The following LIX1L variants were observed in gnomAD, a reference collection of about 807,000 sequenced individuals.
LIX1L encodes the protein limb and CNS expressed 1 like, also known as LIX1-like protein.
A neutral mutation model predicts 34.0 loss-of-function variants in LIX1L; 20 were observed. That is an observed-to-expected ratio of 0.59 (90% CI 0.41 to 0.85). LIX1L has a LOEUF of 0.85. Among genes scored for constraint, LIX1L ranks in the 40% least tolerant of loss-of-function variants. The pLI is 0.00. For missense variants in LIX1L, 397 were observed against 447.0 expected (o/e 0.89, Z 1.01); for synonymous variants, 170 against 187.4 (o/e 0.91, Z 0.76).
At chr1:145,947,265 C>T (rs1649143455) in intron 2 of LIX1L, 1 of 207,136 alleles carries the variant, frequency 4.8e-6, no homozygotes, top group South Asian at 1.1e-4. Flanking sequence ...CGAAAAAGTA[C>T]TGGAGGCAAG....
At position 145,950,662 on chromosome 1, in the gene LIX1L, G is replaced by A. The variant is rs587732658; in HGVS notation, c.293-2880C>T. Among the ~76,000 whole-genome samples the A allele has an allele frequency of 2.3e-4, 35 of 152,276 alleles. No individual in the cohort carries two copies. The South Asian group carries it at 6.0e-3, about 26-fold the overall frequency. ...ATTACAGGCGCAAGCCACCACGCCC[G>A]GCTGTAGTACAGTTTTAAGAAAGAT... On this transcript the variant is annotated intron_variant, in intron 1 of 5. Transcript: ENST00000604000.
At chr1:145,937,810 C>A in intron 3 of LIX1L, 111 bp from the exon 4 acceptor site, 1 of 701,596 alleles carries the variant, frequency 1.4e-6, no homozygotes, top group South Asian at 1.7e-5. Flanking sequence ...TTCAAAATTT[C>A]CTCTCTGCCA....
At chr1:145,952,941 T>C (rs1257376412) in intron 1 of LIX1L, among the ~76,000 whole-genome samples, 4 of 152,020 alleles carry the variant, frequency 2.6e-5, no homozygotes, top group African/African-American at 9.7e-5. Flanking sequence ...AGGCAAGGTC[T>C]CGCTCTATCG....
Position 145,936,324 on chromosome 1 carries a change from A to G in LIX1L, c.1000T>C (p.Ser334Pro), listed in dbSNP as rs1553757791. 6.2e-7 allele frequency: 1 copy of G among 1,614,022 alleles called. No homozygotes were observed. The highest frequency in any genetic ancestry group is 1.3e-5 in the African/African-American group (1 of 74,914). ...TGGGTGGATGCCTAGCAGTTGGAAGAATGCATATTGCCCAACTGCCCAGCA... is the reference window on the plus strand; with the variant it reads ...TGGGTGGATGCCTAGCAGTTGGAAGGATGCATATTGCCCAACTGCCCAGCA... ...LAAGQLGNMH[S>P]SNC Residue 334 changes from serine to proline, a missense_variant, in exon 6 of 6, where the codon TCT becomes CCT. Physicochemically the swap from Ser to Pro is moderately conservative, Grantham distance 74 (BLOSUM62 -1). Coordinates refer to ENST00000604000, the MANE Select transcript of LIX1L (RefSeq NM_153713.3).
In LIX1L at chr1:145,948,966, A is replaced by C. The variant is rs1280942929; in HGVS notation, c.293-1184T>G. The stretch of plus-strand genomic sequence containing the variant: ...TATCCACCTGAGTCCTCTGCATTGG[A>C]CTTGGGAGGAGGCAAGGAGAACTAA... On this transcript the variant is annotated intron_variant, in intron 1 of 5. Coordinates refer to ENST00000604000, the MANE Select transcript of LIX1L (RefSeq NM_153713.3). The surrounding 1 kb of genome is among the most constrained non-coding windows in gnomAD (Gnocchi z 4.0). 1.3e-5 allele frequency: 2 copies of C among 152,186 alleles called. No homozygotes were observed. Among genetic ancestry groups the C allele is most frequent in the Non-Finnish European group, 2.9e-5 (2 of 68,040 alleles). The allele number at this position is 152,186 out of a possible 1,614,324, so 9.4% of individuals were successfully genotyped here.
intron 2 of LIX1L, among the ~76,000 whole-genome samples, chr1:145,944,798 TGAAA>T: frequency 1.3e-5 from 2 of 149,102 alleles, no homozygotes; most frequent in South Asian, 4.3e-4. Context: ...AAGGCTGAGG[TGAAA>T]GGATTGCTTG....
intron 1 of LIX1L, among the ~76,000 whole-genome samples, chr1:145,952,859 C>T (rs1208064363): frequency 6.6e-6 from 1 of 152,166 alleles, no homozygotes; most frequent in Non-Finnish European, 1.5e-5. Flanking sequence ...GATCCTCCCA[C>T]CTCAGCCTCC....
In LIX1L at chr1:145,936,732, A is replaced by C. The variant is rs1553757869; in HGVS notation, c.771+176T>G. On this transcript the variant is annotated intron_variant, in intron 5 of 5. Coordinates refer to ENST00000604000, the MANE Select transcript of LIX1L (RefSeq NM_153713.3). Reference sequence around the variant, plus strand: ...GGGAAGCAAGATAGACAAAAGAATCACAGCTAATATTTACACAGGAAAGAT... The same window carrying C: ...GGGAAGCAAGATAGACAAAAGAATCCCAGCTAATATTTACACAGGAAAGAT... The C allele has an allele frequency of 4.9e-6, 4 of 823,616 alleles. No homozygotes were observed. The African/African-American group carries it at 6.8e-5, about 14-fold the overall frequency. 51.0% of individuals were successfully genotyped at this position (823,616 alleles called of 1,614,324 possible).
At position 145,957,677 on chromosome 1, in the gene LIX1L, A is replaced by G. The variant is rs1649528477; in HGVS notation, c.251T>C (p.Val84Ala). The change falls in exon 1 of 6, where the codon GTG (valine) becomes GCG (alanine). Residue 84 changes from valine to alanine, a missense_variant. Around this residue, in one of 3 missense-constraint regions of LIX1L, gnomAD observed 207 missense variants for 205.2 expected, o/e 1.01. Transcript: ENST00000604000. Reference sequence around the variant, plus strand: ...CGTGTGCTTGGCGAAGCTCCTCACCACGGCCTCCACGGCCTCTCGCAGCAC... The same window carrying G: ...CGTGTGCTTGGCGAAGCTCCTCACCGCGGCCTCCACGGCCTCTCGCAGCAC... The part of the protein sequence containing the change: ...PAVLREAVEA[V>A]VRSFAKHTQG... The G allele has an allele frequency of 6.5e-7, 1 of 1,534,316 alleles. No individual in the cohort carries two copies. The highest frequency in any genetic ancestry group is 2.0e-5 in the Admixed American group (1 of 49,676).
intron 2 of LIX1L, among the ~76,000 whole-genome samples, chr1:145,946,087 G>C (rs1444990793): frequency 6.6e-6 from 1 of 150,956 alleles, no homozygotes; most frequent in African/African-American, 2.4e-5. Context: ...CTGGGTGACA[G>C]AGCAAGACTC....
intron 3 of LIX1L, among the ~76,000 whole-genome samples, chr1:145,938,726 T>C (rs1366677055): frequency 6.6e-6 from 1 of 152,086 alleles, no homozygotes; most frequent in African/African-American, 2.4e-5. Context: ...TAGCTAGGAC[T>C]ATAGGCATGC....
At position 145,948,704 on chromosome 1, in the gene LIX1L, G is replaced by A. The variant is rs1222682399; in HGVS notation, c.293-922C>T. ...AAAAGAAGCACTCCTCCATGGGTCG[G>A]TCTCTCATGCTCCTTCACATCTTGC... On this transcript the variant is annotated intron_variant, in intron 1 of 5. Coordinates refer to ENST00000604000, the MANE Select transcript of LIX1L (RefSeq NM_153713.3). This position sits in a 1 kb window ranked among gnomAD's most constrained non-coding sequence, Gnocchi z 4.0. The A allele has an allele frequency of 6.6e-6, 1 of 152,232 alleles. No individual in the cohort carries two copies. The highest frequency in any genetic ancestry group is 1.5e-5 in the Non-Finnish European group (1 of 68,038). The allele number at this position is 152,232 out of a possible 1,614,324, so 9.4% of individuals were successfully genotyped here. A position where few individuals can be genotyped will look rare whatever the true frequency, so the allele number is the denominator to read the frequency against.
chr1:145,942,638 C>T lies in LIX1L; in HGVS notation c.597+75G>A, dbSNP rs1648961603. 3.1e-5 allele frequency: 42 copies of T among 1,342,440 alleles called. No homozygotes were observed. The South Asian group carries it at 5.0e-4, about 16-fold the overall frequency. 83.2% of individuals were successfully genotyped at this position (1,342,440 alleles called of 1,614,324 possible). On this transcript the variant is annotated intron_variant, in intron 3 of 5. Coordinates refer to ENST00000604000, the MANE Select transcript of LIX1L (RefSeq NM_153713.3). ...AAACAAGAATTCATGCTCTGTTTCA[C>T]AGTAATTTACGACTTCCCAAGCAGC...
chr1:145,957,485 G>T, intron 1 of LIX1L, 151 bp downstream of exon 1: 2 of 1,119,186 alleles, frequency 1.8e-6, no homozygotes, highest in Non-Finnish European at 2.3e-6. Flanking sequence ...GTATGAGTGT[G>T]TGCGTCTGTG....
At chr1:145,953,046 G>A (rs1444135645) in intron 1 of LIX1L, among the ~76,000 whole-genome samples, 1 of 151,926 alleles carries the variant, frequency 6.6e-6, no homozygotes, top group East Asian at 1.9e-4. Flanking sequence ...TGAGTGGCTG[G>A]GACTACAAGA....
At chr1:145,954,365 GGAACTAATCCAGCAT>G in intron 1 of LIX1L, among the ~76,000 whole-genome samples, 1 of 152,228 alleles carries the variant, frequency 6.6e-6, no homozygotes, top group Non-Finnish European at 1.5e-5. Flanking sequence ...AACTAATATA[GGAACTAATCCAGCAT>G]TTCCAAAAAT....
Position 145,948,575 on chromosome 1 carries a change from G to A in LIX1L, c.293-793C>T, listed in dbSNP as rs995023747. Among the ~76,000 whole-genome samples the A allele has an allele frequency of 4.6e-5, 7 of 152,178 alleles. No individual in the cohort carries two copies. The highest frequency in any genetic ancestry group is 1.0e-4 in the Non-Finnish European group (7 of 68,042). ...GTGAGAGAAGCCAGGGCATGGGGGT[G>A]GGAGAGAAAACTCTTTTGAGGCTTT... On this transcript the variant is annotated intron_variant, in intron 1 of 5. Transcript: ENST00000604000. This position sits in a 1 kb window ranked among gnomAD's most constrained non-coding sequence, Gnocchi z 4.0.
rs1648601039 is a variant in LIX1L, at chr1:145,935,423, C to G, written c.*887G>C. 6.5e-6 allele frequency: 1 copy of G among 152,736 alleles called. No homozygotes were observed. The highest frequency in any genetic ancestry group is 2.1e-4 in the South Asian group (1 of 4,850). The allele number at this position is 152,736 out of a possible 1,614,324, so 9.5% of individuals were successfully genotyped here. ...CATGGTTCTCACTAACCAAATAGGA[C>G]TGATAACGCTTCCAAAAAATAAAAT... On this transcript the variant is annotated 3_prime_UTR_variant, in exon 6 of 6. Coordinates refer to ENST00000604000, the MANE Select transcript of LIX1L (RefSeq NM_153713.3).
chr1:145,957,636 C>G lies in LIX1L; in HGVS notation c.292G>C (p.Val98Leu). ...CAGGAGGCCAGACCCGCAGACTCACCTCGGCCATAGCCCTGCGTGTGCTTG... is the reference window on the plus strand; with the variant it reads ...CAGGAGGCCAGACCCGCAGACTCACGTCGGCCATAGCCCTGCGTGTGCTTG... Reference protein sequence around the residue: ...FAKHTQGYGRVNVVEALQEFW... With the variant: ...FAKHTQGYGRLNVVEALQEFW... The change falls in exon 1 of 6, where the codon GTG becomes CTG. Residue 98 changes from valine to leucine, a missense_variant and splice_region_variant. Transcript: ENST00000604000. The G allele has an allele frequency of 6.5e-7, 1 of 1,534,184 alleles. No homozygotes were observed. Among genetic ancestry groups the G allele is most frequent in the Non-Finnish European group, 8.7e-7 (1 of 1,145,472 alleles).
Sources: allele counts gnomAD v4.1 joint callset (sites outside exome capture counted in the v4.1 genomes callset), GRCh38; gene constraint gnomAD v4.1.1; regional missense constraint gnomAD v4.1.1; non-coding constraint Gnocchi (gnomAD v3.1); transcripts MANE v1.5; gene names NCBI Gene and HGNC (gene_info 2026-07-23, HGNC 2026-07-21).